Variants in GRIK4 observed in about 807,000 individuals in gnomAD.
GRIK4 encodes glutamate receptor ionotropic, kainate 4.
GRIK4 carries 40 observed loss-of-function variants against 104.9 expected under a neutral mutation model. The observed-to-expected ratio is 0.38, with a 90% CI of 0.30 to 0.50. GRIK4 has a LOEUF of 0.50. Among genes scored for constraint, GRIK4 ranks in the 20% least tolerant of loss-of-function variants. The pLI, the probability that GRIK4 is intolerant of heterozygous loss-of-function variation, is 0.93. For missense variants in GRIK4, 1,047 were observed against 1,308.1 expected, an observed-to-expected ratio of 0.80 and a Z score of 3.08; for synonymous variants, 485 against 524.9, an observed-to-expected ratio of 0.92 and a Z score of 1.04.
At chr11:120,979,215 A>G (rs1033020123) in intron 19 of GRIK4, among the ~76,000 whole-genome samples, 23 of 152,248 alleles carry the variant, frequency 1.5e-4, no homozygotes, top group Non-Finnish European at 8.8e-5. Context: ...AAATATCTCC[A>G]AAATGTAACA....
intron 1 of GRIK4, among the ~76,000 whole-genome samples, chr11:120,560,393 C>T (rs149221250): frequency 9.7e-4 from 148 of 152,200 alleles, no homozygotes; most frequent in African/African-American, 3.3e-3. Context: ...GGGACCTAGC[C>T]CCGCATTTGT....
At chr11:120,651,021 C>T (rs965823809) in intron 1 of GRIK4, among the ~76,000 whole-genome samples, 1 of 152,186 alleles carries the variant, frequency 6.6e-6, no homozygotes, top group Admixed American at 6.5e-5. Context: ...CGATTTTTCT[C>T]CTCTGCCAGA....
chr11:120,668,103 A>G (rs574713937), intron 3 of GRIK4, among the ~76,000 whole-genome samples: 2 of 55,966 alleles, frequency 3.6e-5, no homozygotes, highest in South Asian at 1.3e-3. Flanking sequence ...AGATAGATGG[A>G]TAGATAGATA....
At chr11:120,865,749 G>A (rs183083700) in intron 9 of GRIK4, among the ~76,000 whole-genome samples, 34 of 152,324 alleles carry the variant, frequency 2.2e-4, no homozygotes, top group Admixed American at 1.4e-3. Context: ...CTGAATACCC[G>A]AATACAGAGT....
intron 5 of GRIK4, among the ~76,000 whole-genome samples, chr11:120,818,025 A>T (rs550776845): frequency 6.6e-6 from 1 of 152,376 alleles, no homozygotes; most frequent in South Asian, 2.1e-4. Flanking sequence ...TAAGTGGTTT[A>T]TCTGAAAATC....
Position 120,987,726 on chromosome 11 carries a change from T to A in GRIK4, c.*1466T>A, listed in dbSNP as rs1944781028. The A allele has an allele frequency of 6.6e-6, 1 of 152,244 alleles. No individual in the cohort carries two copies. Among genetic ancestry groups the A allele is most frequent in the South Asian group, 2.1e-4 (1 of 4,834 alleles). 9.4% of individuals were successfully genotyped at this position (152,244 alleles called of 1,614,324 possible). ...GGTGACTGCTAGTGACTGCTCTCCA[T>A]GTGAGAAGTTTGCAGAGTCCAGAGC... On this transcript the variant is annotated 3_prime_UTR_variant, in exon 21 of 21. Coordinates refer to ENST00000527524, the MANE Select transcript of GRIK4 (RefSeq NM_014619.5).
At chr11:120,538,226 C>T (rs1008270738) in intron 1 of GRIK4, among the ~76,000 whole-genome samples, 5 of 152,230 alleles carry the variant, frequency 3.3e-5, no homozygotes, top group Non-Finnish European at 5.9e-5. Context: ...AAGACAGGGC[C>T]GCGCATCACT....
chr11:120,882,917 A>G (rs1197157044), intron 11 of GRIK4, among the ~76,000 whole-genome samples: 3 of 152,132 alleles, frequency 2.0e-5, no homozygotes, highest in Non-Finnish European at 4.4e-5. Context: ...TGCCCTTGCC[A>G]GTGCACCCGT....
chr11:120,821,526 G>A (rs1953126838), intron 6 of GRIK4, among the ~76,000 whole-genome samples: 1 of 152,224 alleles, frequency 6.6e-6, no homozygotes, highest in African/African-American at 2.4e-5. Flanking sequence ...AGCCCTTGAA[G>A]GTCACTCTCT....
chr11:120,529,903 T>C (rs1446790166), intron 1 of GRIK4, among the ~76,000 whole-genome samples: 1 of 152,060 alleles, frequency 6.6e-6, no homozygotes, highest in Non-Finnish European at 1.5e-5. Flanking sequence ...AAGTTCAGAG[T>C]GGTTAAACTG....
At chr11:120,523,372 T>C (rs936527589) in intron 1 of GRIK4, among the ~76,000 whole-genome samples, 1 of 151,610 alleles carries the variant, frequency 6.6e-6, no homozygotes, top group Non-Finnish European at 1.5e-5. Flanking sequence ...AGCTGTGGGG[T>C]GGCGGCTGCT....
chr11:120,669,554 T>C (rs1240383632), intron 3 of GRIK4, among the ~76,000 whole-genome samples: 2 of 152,254 alleles, frequency 1.3e-5, no homozygotes, highest in African/African-American at 4.8e-5. Context: ...GTCCCGGGCA[T>C]TGATGCCCAG....
At chr11:120,943,175 T>C (rs1943771060) in intron 14 of GRIK4, among the ~76,000 whole-genome samples, 1 of 142,902 alleles carries the variant, frequency 7.0e-6, no homozygotes, top group Non-Finnish European at 1.5e-5. Flanking sequence ...TGGTGAGGAT[T>C]CCTCTCCTCT....
intron 3 of GRIK4, among the ~76,000 whole-genome samples, chr11:120,765,275 C>T (rs932714048): frequency 2.0e-5 from 3 of 151,710 alleles, no homozygotes; most frequent in African/African-American, 7.3e-5. Flanking sequence ...GTATGCTTCA[C>T]TAAGTTCTTG....
At chr11:120,788,603 C>T (rs986389456) in intron 3 of GRIK4, among the ~76,000 whole-genome samples, 1 of 151,676 alleles carries the variant, frequency 6.6e-6, no homozygotes, top group African/African-American at 2.4e-5. Context: ...AAGGGGGAGC[C>T]GTCCCTTCTC....
intron 1 of GRIK4, among the ~76,000 whole-genome samples, chr11:120,609,603 C>T (rs186525759): frequency 3.9e-4 from 57 of 146,308 alleles, no homozygotes; most frequent in Admixed American, 3.1e-3. Context: ...CAACCTCCGC[C>T]TCCCAGGTTC....
chr11:120,873,940 C>T (rs886385162), intron 9 of GRIK4, 126 bp from the exon 10 acceptor site: 1 of 818,916 alleles, frequency 1.2e-6, no homozygotes, highest in Non-Finnish European at 1.9e-6. Context: ...GATGAAGATG[C>T]ACTCTTATTT....
At chr11:120,766,267 C>A (rs867529522) in intron 3 of GRIK4, among the ~76,000 whole-genome samples, 1 of 152,178 alleles carries the variant, frequency 6.6e-6, no homozygotes, top group Non-Finnish European at 1.5e-5. Context: ...GGAAAACCTC[C>A]CACTCAAACC....
chr11:120,947,169 C>T (rs1394245618), intron 14 of GRIK4, among the ~76,000 whole-genome samples: 2 of 151,930 alleles, frequency 1.3e-5, no homozygotes, highest in Non-Finnish European at 2.9e-5. Context: ...TTTGGGAGGC[C>T]GAGGCAGGCG....
Sources: allele counts gnomAD v4.1 joint callset (sites outside exome capture counted in the v4.1 genomes callset), GRCh38; gene constraint gnomAD v4.1.1; transcripts MANE v1.5; gene names NCBI Gene and HGNC (gene_info 2026-07-23, HGNC 2026-07-21).